The following CCDC7 variants were observed in gnomAD, a reference collection of about 807,000 sequenced individuals.
The protein encoded by CCDC7 is coiled-coil domain-containing protein 7.
Under a neutral mutation model 196.9 loss-of-function variants are expected in CCDC7, and 183 were observed. The observed-to-expected ratio is 0.93, with a 90% CI of 0.82 to 1.05. CCDC7 has a LOEUF of 1.05. Among genes scored for constraint, CCDC7 ranks in the 50% least tolerant of loss-of-function variants. The pLI is 0.00. For missense variants in CCDC7, 1,540 were observed against 1,482.2 expected (o/e 1.04, Z -0.64); for synonymous variants, 525 against 484.6 (o/e 1.08, Z -1.10).
At chr10:32,556,162 C>T (rs2054306894) in intron 13 of CCDC7, among the ~76,000 whole-genome samples, 1 of 152,128 alleles carries the variant, frequency 6.6e-6, no homozygotes, top group Admixed American at 6.6e-5. Flanking sequence ...TGTAGTCTGC[C>T]ACAGTGGGGT....
intron 8 of CCDC7, among the ~76,000 whole-genome samples, chr10:32,480,540 A>G (rs1000084589): frequency 6.6e-6 from 1 of 152,140 alleles, no homozygotes; most frequent in Non-Finnish European, 1.5e-5. Flanking sequence ...CTTTTGCTGC[A>G]TCACATAAAT....
chr10:32,711,819 A>G (rs1231876038), intron 25 of CCDC7, 89 bp downstream of exon 26: 2 of 627,720 alleles, frequency 3.2e-6, no homozygotes, highest in Admixed American at 3.9e-5. Flanking sequence ...GTATTTGAGA[A>G]CATATATTTT....
chr10:32,847,901 C>G (rs764703380), exon 38 of CCDC7: 6 of 1,603,272 alleles, frequency 3.7e-6, no homozygotes, highest in Non-Finnish European at 5.1e-6. Context: ...AAAGACACAA[C>G]TAAGGACTCA....
Position 32,453,367 on chromosome 10 carries a change from CT to C in CCDC7, c.304del (p.Tyr102MetfsTer13). On this transcript the variant is annotated frameshift_variant, in exon 2 of 42. Transcript: ENST00000639629. LOFTEE classifies it high-confidence loss of function. ...AGGTTGTTTCCACTTTGGAAGAAAC[CT>C]ATGGACATTGCGATCAGAATGGAGA... 1 of 1,540,556 alleles carries C rather than the reference CT, an allele frequency of 6.5e-7. No homozygotes were observed. Among genetic ancestry groups the C allele is most frequent in the Non-Finnish European group, 8.7e-7 (1 of 1,144,520 alleles).
intron 18 of CCDC7, among the ~76,000 whole-genome samples, chr10:32,619,039 T>C (rs964313639): frequency 6.6e-5 from 10 of 152,076 alleles, no homozygotes; most frequent in African/African-American, 2.4e-4. Context: ...TTGAAGCTTT[T>C]GAATGTATTT....
At chr10:32,663,139 C>A (rs539366623) in intron 20 of CCDC7, among the ~76,000 whole-genome samples, 2 of 152,254 alleles carry the variant, frequency 1.3e-5, no homozygotes, top group South Asian at 4.1e-4. Context: ...AGTGACACAC[C>A]TCATAAGTGC....
intron 2 of CCDC7, among the ~76,000 whole-genome samples, chr10:32,453,732 C>A (rs878904328): frequency 6.6e-6 from 1 of 152,180 alleles, no homozygotes; most frequent in Admixed American, 6.5e-5. Context: ...CACAGGAACT[C>A]TCATACAGAG....
At position 32,779,095 on chromosome 10, in the gene CCDC7, A is replaced by G; in HGVS notation, c.3013+11A>G. On this transcript the variant is annotated intron_variant, in intron 29 of 41. Coordinates refer to ENST00000639629, the Ensembl canonical transcript of CCDC7. ...TAAACAAAGTGGTCGGTAAGTATAG[A>G]TTTATGTTTGGATACAGTAGAACAC... The G allele has an allele frequency of 6.6e-7, 1 of 1,512,302 alleles. No individual in the cohort carries two copies. The allele number at this position is 1,512,302 out of a possible 1,614,324, so 93.7% of individuals were successfully genotyped here.
chr10:32,822,377 G>A (rs1236981189), intron 31 of CCDC7, among the ~76,000 whole-genome samples: 1 of 152,148 alleles, frequency 6.6e-6, no homozygotes, highest in Non-Finnish European at 1.5e-5. Flanking sequence ...AGGGAGAAGT[G>A]ATGTAACACT....
intron 24 of CCDC7, among the ~76,000 whole-genome samples, chr10:32,706,066 G>A (rs1260050920): frequency 1.3e-5 from 2 of 152,090 alleles, no homozygotes; most frequent in Non-Finnish European, 2.9e-5. Context: ...TACATAGTTG[G>A]AAGTAAAGCA....
At chr10:32,469,526 G>A (rs975290925) in intron 5 of CCDC7, among the ~76,000 whole-genome samples, 2 of 152,186 alleles carry the variant, frequency 1.3e-5, no homozygotes, top group African/African-American at 4.8e-5. Flanking sequence ...TTAGGAATCT[G>A]CCCTCTGTGA....
At chr10:32,596,616 C>A (rs2060388878) in intron 18 of CCDC7, among the ~76,000 whole-genome samples, 1 of 152,216 alleles carries the variant, frequency 6.6e-6, no homozygotes, top group Admixed American at 6.5e-5. Context: ...GATGCAGCTT[C>A]TTCCTAGCCT....
Position 32,473,705 on chromosome 10 carries a change from C to G in CCDC7, c.740-262C>G, listed in dbSNP as rs565848005. 2.0e-5 allele frequency among the ~76,000 whole-genome samples: 3 copies of G among 152,040 alleles called. No homozygotes were observed. The East Asian group carries it at 5.8e-4, about 29-fold the overall frequency. ...AAGGAAGACTAGATAATGATGGTAC[C>G]ATCAATGAATATAAGAGAATACAAG... On this transcript the variant is annotated intron_variant, in intron 7 of 41. Coordinates refer to ENST00000639629, the Ensembl canonical transcript of CCDC7.
chr10:32,527,291 C>T (rs996218924), intron 11 of CCDC7, among the ~76,000 whole-genome samples: 4 of 152,152 alleles, frequency 2.6e-5, no homozygotes, highest in African/African-American at 9.7e-5. Flanking sequence ...ACTGTGATAG[C>T]GGATGAATAG....
intron 32 of CCDC7, among the ~76,000 whole-genome samples, chr10:32,831,084 C>CA (rs2092114551): frequency 6.6e-6 from 1 of 152,158 alleles, no homozygotes; most frequent in South Asian, 2.1e-4. Flanking sequence ...TAGCTTTCTA[C>CA]ATATCTAGGC....
chr10:32,446,053 G>C (rs925323083), upstream of CCDC7: 1 of 152,164 alleles, frequency 6.6e-6, no homozygotes, highest in Non-Finnish European at 1.5e-5. Context: ...CTCCTCTTCC[G>C]CTCTCGGCGC....
chr10:32,875,236 A>G (rs1265055505), intron 41 of CCDC7, among the ~76,000 whole-genome samples: 3 of 151,966 alleles, frequency 2.0e-5, no homozygotes, highest in African/African-American at 7.2e-5. Context: ...GGCATTGCCT[A>G]GGTTGTCTTC....
chr10:32,833,115 A>G (rs932745850), intron 32 of CCDC7, among the ~76,000 whole-genome samples: 4 of 152,142 alleles, frequency 2.6e-5, no homozygotes, highest in African/African-American at 9.6e-5. Context: ...AGTTATATAG[A>G]GAAATAATTA....
chr10:32,477,404 T>C (rs928744761), intron 8 of CCDC7, among the ~76,000 whole-genome samples: 6 of 152,238 alleles, frequency 3.9e-5, no homozygotes, highest in East Asian at 1.9e-4. Flanking sequence ...GGTTTCACCA[T>C]GTTGGTCAGG....
Sources: gnomAD v4.1 joint callset for allele counts (sites outside exome capture counted in the v4.1 genomes callset) on GRCh38, gnomAD v4.1.1 for gene constraint, MANE v1.5 for transcripts, NCBI Gene and HGNC (gene_info 2026-07-23, HGNC 2026-07-21) for gene names.